MICU1: variants seen among roughly 807,000 people sequenced by gnomAD.
MICU1 encodes the protein mitochondrial calcium uptake 1.
Under a neutral mutation model 56.8 loss-of-function variants are expected in MICU1, and 45 were observed. The observed-to-expected ratio is 0.79, with a 90% CI of 0.62 to 1.02. The LOEUF (loss-of-function observed/expected upper bound fraction) is 1.02. Among genes scored for constraint, MICU1 ranks in the 50% least tolerant of loss-of-function variants. MICU1 has a pLI of 0.00. For missense variants in MICU1, 504 were observed against 587.1 expected (o/e 0.86, Z 1.46); for synonymous variants, 186 against 195.1 (o/e 0.95, Z 0.39).
At chr10:72,468,702 T>C (rs1865867357) in intron 8 of MICU1, among the ~76,000 whole-genome samples, 1 of 152,108 alleles carries the variant, frequency 6.6e-6, no homozygotes, top group African/African-American at 2.4e-5. Flanking sequence ...TAAATATAAT[T>C]AAATGGCTAG....
intron 6 of MICU1, among the ~76,000 whole-genome samples, chr10:72,501,502 C>T (rs1330120631): frequency 6.6e-6 from 1 of 151,574 alleles, no homozygotes; most frequent in Non-Finnish European, 1.5e-5. Flanking sequence ...TGCCACCATG[C>T]TTAATATAGA....
At chr10:72,578,421 C>CT (rs34573464) in intron 1 of MICU1, among the ~76,000 whole-genome samples, 17,386 of 134,628 alleles carry the variant, frequency 0.13, 2,416 homozygotes, top group African/African-American at 0.35. Flanking sequence ...CCATGCCTGG[C>CT]TTTTTTTTTT....
chr10:72,502,204 G>T (rs1464316428), intron 6 of MICU1, among the ~76,000 whole-genome samples: 1 of 150,218 alleles, frequency 6.7e-6, no homozygotes, highest in African/African-American at 2.5e-5. Context: ...TTCCAGGCTG[G>T]AGTGCAGTGG....
In MICU1 at chr10:72,462,269, T is replaced by G. The variant is rs1248651622; in HGVS notation, c.933+12831A>C. ...TCTTACTCTGTCACCCAGGCTGGAG[T>G]GCAGTGGGGCAATCACAGCTCACTG... On this transcript the variant is annotated intron_variant, in intron 8 of 11. Coordinates refer to ENST00000361114, the MANE Select transcript of MICU1 (RefSeq NM_001195518.2). Among the ~76,000 whole-genome samples, 6 of 150,786 alleles carry G rather than the reference T, an allele frequency of 4.0e-5. No individual in the cohort carries two copies. The East Asian group carries it at 1.2e-3, about 29-fold the overall frequency.
intron 8 of MICU1, among the ~76,000 whole-genome samples, chr10:72,424,528 G>C (rs940635489): frequency 3.3e-5 from 5 of 151,990 alleles, no homozygotes; most frequent in Non-Finnish European, 5.9e-5. Context: ...ATGTTGCCAG[G>C]CTGGTCTTGA....
At chr10:72,543,237 C>T (rs546828540) in intron 4 of MICU1, among the ~76,000 whole-genome samples, 5 of 152,262 alleles carry the variant, frequency 3.3e-5, no homozygotes, top group East Asian at 1.9e-4. Context: ...CAGTAGAACA[C>T]GAGGACCTTT....
At chr10:72,568,719 C>A (rs1029084140) in intron 1 of MICU1, among the ~76,000 whole-genome samples, 2 of 150,490 alleles carry the variant, frequency 1.3e-5, no homozygotes, top group African/African-American at 4.9e-5. Context: ...AATTCAGCAT[C>A]CAAGATAATT....
At chr10:72,451,557 T>C (rs945988331) in intron 8 of MICU1, among the ~76,000 whole-genome samples, 3 of 152,140 alleles carry the variant, frequency 2.0e-5, no homozygotes, top group African/African-American at 7.2e-5. Context: ...TTTTTGTTGT[T>C]TTTTAAGAGA....
At chr10:72,435,128 T>C (rs1021498252) in intron 8 of MICU1, among the ~76,000 whole-genome samples, 7 of 152,102 alleles carry the variant, frequency 4.6e-5, no homozygotes, top group Non-Finnish European at 8.8e-5. Flanking sequence ...TGGTGGCTCA[T>C]GCCTGTGATC....
intron 10 of MICU1, among the ~76,000 whole-genome samples, chr10:72,390,452 C>T (rs1863032255): frequency 6.6e-6 from 1 of 152,150 alleles, no homozygotes; most frequent in Non-Finnish European, 1.5e-5. Context: ...CTATATAACT[C>T]TGGCATTTTC....
chr10:72,599,305 A>G (rs1841461390), intron 1 of MICU1, among the ~76,000 whole-genome samples: 1 of 152,242 alleles, frequency 6.6e-6, no homozygotes, highest in African/African-American at 2.4e-5. Flanking sequence ...CAGAATTTAA[A>G]AAGTATTAAA....
intron 9 of MICU1, among the ~76,000 whole-genome samples, chr10:72,410,987 T>A (rs1048813207): frequency 2.0e-5 from 3 of 152,150 alleles, no homozygotes; most frequent in African/African-American, 7.2e-5. Flanking sequence ...GATGAATGGA[T>A]AAACAAAATG....
chr10:72,407,897 C>T (rs376914322), intron 10 of MICU1, 32 bp downstream of exon 10: 76 of 1,463,712 alleles, frequency 5.2e-5, no homozygotes, highest in Non-Finnish European at 6.9e-5. Context: ...AATGTTCATA[C>T]CTTCAAAAAA....
At chr10:72,440,784 C>G (rs1215166428) in intron 8 of MICU1, among the ~76,000 whole-genome samples, 1 of 152,140 alleles carries the variant, frequency 6.6e-6, no homozygotes, top group African/African-American at 2.4e-5. Context: ...ATACAGCCAG[C>G]AGACACATGA....
chr10:72,512,866 G>A (rs1224440709), intron 5 of MICU1, among the ~76,000 whole-genome samples: 4 of 151,910 alleles, frequency 2.6e-5, no homozygotes, highest in Admixed American at 6.6e-5. Context: ...CACCATGCTC[G>A]GGTAATTTTT....
intron 5 of MICU1, among the ~76,000 whole-genome samples, chr10:72,512,981 G>C (rs1010959279): frequency 1.3e-5 from 2 of 152,132 alleles, no homozygotes; most frequent in Admixed American, 1.3e-4. Context: ...TGGGGTTACA[G>C]GCATGAGCCA....
At chr10:72,620,792 T>A (rs1159655592) in intron 1 of MICU1, among the ~76,000 whole-genome samples, 1 of 152,222 alleles carries the variant, frequency 6.6e-6, no homozygotes, top group African/African-American at 2.4e-5. Flanking sequence ...CGACAGGTTA[T>A]TAATTATATT....
chr10:72,514,813 T>C (rs1057118737), intron 5 of MICU1, among the ~76,000 whole-genome samples: 9 of 152,180 alleles, frequency 5.9e-5, no homozygotes, highest in Admixed American at 2.6e-4. Context: ...CTTCTGAACA[T>C]TCATTCAACC....
rs376503424 is a variant in MICU1 at position 72,566,607 on chromosome 10, G to C, written c.161+26C>G. On this transcript the variant is annotated intron_variant, in intron 2 of 11. Coordinates refer to ENST00000361114, the MANE Select transcript of MICU1 (RefSeq NM_001195518.2). ...ACTGGAAGAATAAAAGTATACGCAAGAACAAGATGGTTGGATAACACTCAC... is the reference window on the plus strand; with the variant it reads ...ACTGGAAGAATAAAAGTATACGCAACAACAAGATGGTTGGATAACACTCAC... 55 of 1,600,624 alleles carry C rather than the reference G, an allele frequency of 3.4e-5. No individual in the cohort carries two copies. In the South Asian group the frequency reaches 5.1e-4, roughly 15 times the overall value.
Sources: allele counts gnomAD v4.1 joint callset (sites outside exome capture counted in the v4.1 genomes callset), GRCh38; gene constraint gnomAD v4.1.1; transcripts MANE v1.5; gene names NCBI Gene and HGNC (gene_info 2026-07-23, HGNC 2026-07-21).